Variants in UBASH3B observed in about 807,000 individuals in gnomAD.
The protein encoded by UBASH3B is ubiquitin-associated and SH3 domain-containing protein B.
Under a neutral mutation model 83.4 loss-of-function variants are expected in UBASH3B, and 37 were observed. The observed-to-expected ratio is 0.44, with a 90% confidence interval of 0.34 to 0.58. The LOEUF (loss-of-function observed/expected upper bound fraction) is 0.58, where lower values mean the gene tolerates loss of function less well. Ranked by LOEUF, UBASH3B falls within the 20% of genes least tolerant of loss-of-function variation. The pLI is 0.01. For synonymous variants in UBASH3B, 304 were observed against 318.3 expected, an observed-to-expected ratio of 0.96 and a Z score of 0.48; for missense variants, 657 against 827.2, an observed-to-expected ratio of 0.79 and a Z score of 2.52.
intron 1 of UBASH3B, among the ~76,000 whole-genome samples, chr11:122,736,249 C>T (rs1268042577): frequency 6.6e-6 from 1 of 151,918 alleles, no homozygotes; most frequent in East Asian, 1.9e-4. Context: ...AAGCCCAACT[C>T]CCTCTGCTTC....
At chr11:122,805,846 G>T (rs1205772298) in intron 11 of UBASH3B, among the ~76,000 whole-genome samples, 1 of 152,186 alleles carries the variant, frequency 6.6e-6, no homozygotes, top group African/African-American at 2.4e-5. Context: ...CACAGGCAGA[G>T]AACTTTTCCA....
In UBASH3B at chr11:122,809,734, C is replaced by T. The variant is rs1359324837; in HGVS notation, c.1813-15C>T. 3 of 1,613,656 alleles carry T rather than the reference C, an allele frequency of 1.9e-6. No individual in the cohort carries two copies. Among genetic ancestry groups the T allele is most frequent in the East Asian group, 4.5e-5 (2 of 44,866 alleles). ...TATCTCCTAATATCCCCTTTCTTTA[C>T]GACTCTTACTTCAGATCCCATATCT... is the stretch of plus-strand genomic sequence containing the variant. On this transcript the variant is annotated splice_polypyrimidine_tract_variant and intron_variant, in intron 13 of 13. Coordinates refer to ENST00000284273, the MANE Select transcript of UBASH3B (RefSeq NM_032873.5).
intron 1 of UBASH3B, among the ~76,000 whole-genome samples, chr11:122,712,482 T>C (rs1864208464): frequency 1.3e-5 from 2 of 152,066 alleles, no homozygotes; most frequent in African/African-American, 2.4e-5. Flanking sequence ...ACCCAGGGGC[T>C]CTCATGCTTG....
chr11:122,656,863 T>C (rs1863371721), intron 1 of UBASH3B, among the ~76,000 whole-genome samples: 1 of 152,192 alleles, frequency 6.6e-6, no homozygotes, highest in Admixed American at 6.5e-5. Flanking sequence ...CTCAGAAATC[T>C]GTGGGTGCCT....
chr11:122,752,558 C>T (rs905465976), intron 1 of UBASH3B, among the ~76,000 whole-genome samples: 1 of 152,176 alleles, frequency 6.6e-6, no homozygotes, highest in Non-Finnish European at 1.5e-5. Context: ...GCAAACAGGG[C>T]ACGATGCAGC....
At position 122,685,691 on chromosome 11, in the gene UBASH3B, T is replaced by A. The variant is rs183003597; in HGVS notation, c.161+29481T>A. On this transcript the variant is annotated intron_variant, in intron 1 of 13. Coordinates refer to ENST00000284273, the MANE Select transcript of UBASH3B (RefSeq NM_032873.5). ...GCCACAATGCCCAGCTAATTTTTTT[T>A]ATATTTTTAGTAGAGACGGGGTTTC... 6.6e-5 allele frequency among the ~76,000 whole-genome samples: 10 copies of A among 152,184 alleles called. No homozygotes were observed. The East Asian group carries it at 1.2e-3, about 18-fold the overall frequency.
intron 1 of UBASH3B, among the ~76,000 whole-genome samples, chr11:122,770,587 G>A (rs1860625892): frequency 6.6e-6 from 1 of 152,158 alleles, no homozygotes; most frequent in Non-Finnish European, 1.5e-5. Context: ...AGACAAGAAA[G>A]TGCAGTCAAG....
chr11:122,714,034 A>G (rs1169030829), intron 1 of UBASH3B, among the ~76,000 whole-genome samples: 1 of 152,222 alleles, frequency 6.6e-6, no homozygotes, highest in Non-Finnish European at 1.5e-5. Context: ...ACTGCTGCAG[A>G]CACTTGCCGT....
intron 9 of UBASH3B, among the ~76,000 whole-genome samples, 200 bp from the exon 10 acceptor site, chr11:122,798,742 C>T (rs1376401716): frequency 6.7e-6 from 1 of 149,736 alleles, no homozygotes; most frequent in Non-Finnish European, 1.5e-5. Flanking sequence ...ACAAGAAGGG[C>T]TCTGTCGCTT....
At chr11:122,675,317 G>A (rs1394365605) in intron 1 of UBASH3B, among the ~76,000 whole-genome samples, 1 of 152,248 alleles carries the variant, frequency 6.6e-6, no homozygotes, top group Non-Finnish European at 1.5e-5. Flanking sequence ...CACATTGCAG[G>A]AAAGTGTTTT....
intron 1 of UBASH3B, among the ~76,000 whole-genome samples, chr11:122,761,024 C>T (rs1861362431): frequency 6.6e-6 from 1 of 152,174 alleles, no homozygotes; most frequent in African/African-American, 2.4e-5. Context: ...TTTGACTGCG[C>T]AGGAGTTTTT....
chr11:122,783,014 C>A, intron 4 of UBASH3B, 39 bp from the exon 5 acceptor site: 1 of 1,594,470 alleles, frequency 6.3e-7, no homozygotes, highest in Admixed American at 1.7e-5. Context: ...GCTATCATCA[C>A]CACCTTTTAA....
chr11:122,679,353 C>T (rs1863709609), intron 1 of UBASH3B, among the ~76,000 whole-genome samples: 1 of 152,144 alleles, frequency 6.6e-6, no homozygotes. Flanking sequence ...TTTTGAAGGC[C>T]CCGGAAAGGC....
At chr11:122,700,452 A>G (rs76410897) in intron 1 of UBASH3B, among the ~76,000 whole-genome samples, 11,157 of 148,904 alleles carry the variant, frequency 0.075, 519 homozygotes, top group Middle Eastern at 0.12. Flanking sequence ...TTCAATGTAA[A>G]TGTTCATATG....
intron 1 of UBASH3B, among the ~76,000 whole-genome samples, chr11:122,736,830 G>A (rs898585381): frequency 2.0e-5 from 3 of 152,060 alleles, no homozygotes; most frequent in Non-Finnish European, 2.9e-5. Context: ...AGAGAGGATC[G>A]CTTGAGCCCA....
intron 1 of UBASH3B, among the ~76,000 whole-genome samples, chr11:122,674,449 C>T (rs1210152767): frequency 6.7e-6 from 1 of 149,440 alleles, no homozygotes; most frequent in Non-Finnish European, 1.5e-5. Context: ...GGCGCGATCT[C>T]AGTTCACTGC....
At chr11:122,752,128 A>T (rs1475468668) in intron 1 of UBASH3B, among the ~76,000 whole-genome samples, 1 of 152,180 alleles carries the variant, frequency 6.6e-6, no homozygotes, top group East Asian at 1.9e-4. Flanking sequence ...TTTTCAAACC[A>T]AATTTTCTTC....
In UBASH3B at chr11:122,776,202, T is replaced by G; in HGVS notation, c.162-17T>G. 1 of 1,609,304 alleles carries G rather than the reference T, an allele frequency of 6.2e-7. No homozygotes were observed. Among genetic ancestry groups the G allele is most frequent in the East Asian group, 2.2e-5 (1 of 44,686 alleles). On this transcript the variant is annotated splice_polypyrimidine_tract_variant and intron_variant, in intron 1 of 13. Transcript: ENST00000284273. ...GGCTAAAAATATTAACAATAGAAAT[T>G]TGATTTCTTCTTTCAGACAAAAAGC...
intron 1 of UBASH3B, among the ~76,000 whole-genome samples, chr11:122,702,303 G>A (rs972048537): frequency 6.6e-6 from 1 of 152,308 alleles, no homozygotes; most frequent in Non-Finnish European, 1.5e-5. Flanking sequence ...AGCATGGAGA[G>A]AGAAGAGTCT....
Sources: allele counts gnomAD v4.1 joint callset (sites outside exome capture counted in the v4.1 genomes callset), GRCh38; gene constraint gnomAD v4.1.1; transcripts MANE v1.5; gene names NCBI Gene and HGNC (gene_info 2026-07-23, HGNC 2026-07-21).